CELF4: variants seen among roughly 807,000 people sequenced by gnomAD.
The protein encoded by CELF4 is CUG-BP- and ETR-3-like factor 4.
CELF4 carries 18 observed loss-of-function variants against 59.9 expected under a neutral mutation model. The observed-to-expected ratio is 0.30, with a 90% CI of 0.21 to 0.45. CELF4 has a LOEUF of 0.45. Among genes scored for constraint, CELF4 ranks in the 20% least tolerant of loss-of-function variants. CELF4 has a pLI of 1.00. For missense variants in CELF4, 456 were observed against 689.0 expected (o/e 0.66, Z 3.79); for synonymous variants, 261 against 267.1 (o/e 0.98, Z 0.22).
intron 2 of CELF4, among the ~76,000 whole-genome samples, chr18:37,431,605 G>A (rs374378812): frequency 5.3e-5 from 8 of 152,042 alleles, no homozygotes; most frequent in Non-Finnish European, 8.8e-5. Context: ...TCCTGACCTC[G>A]TGATCTGCCC....
At chr18:37,525,575 T>G (rs937783772) in intron 1 of CELF4, among the ~76,000 whole-genome samples, 3 of 135,420 alleles carry the variant, frequency 2.2e-5, no homozygotes, top group African/African-American at 8.6e-5. Flanking sequence ...GACAATCTTC[T>G]GCTTTCTAGA....
intron 2 of CELF4, among the ~76,000 whole-genome samples, chr18:37,328,439 C>T (rs1487649998): frequency 2.0e-5 from 3 of 152,160 alleles, no homozygotes; most frequent in African/African-American, 7.2e-5. Context: ...GCTGAGGGTC[C>T]TTCTGGTTCC....
chr18:37,261,915 A>ATTT (rs1299533582), intron 10 of CELF4, among the ~76,000 whole-genome samples: 2 of 152,200 alleles, frequency 1.3e-5, no homozygotes, highest in African/African-American at 4.8e-5. Flanking sequence ...GGACCATGAC[A>ATTT]TAAAGAAGCC....
chr18:37,521,902 T>C (rs2099957869), intron 1 of CELF4, among the ~76,000 whole-genome samples: 1 of 152,196 alleles, frequency 6.6e-6, no homozygotes, highest in South Asian at 2.1e-4. Context: ...CCAGCTTCCG[T>C]CTTTATTTCT....
chr18:37,539,467 ACACAAAC>A (rs2099976104), intron 1 of CELF4, among the ~76,000 whole-genome samples: 2 of 114,460 alleles, frequency 1.7e-5, no homozygotes, highest in African/African-American at 6.5e-5. Flanking sequence ...ACACACACAC[ACACAAAC>A]ACACACACAC....
chr18:37,401,041 G>A (rs2099320353), intron 2 of CELF4, among the ~76,000 whole-genome samples: 1 of 152,176 alleles, frequency 6.6e-6, no homozygotes, highest in East Asian at 1.9e-4. Flanking sequence ...AGTAGGTGTG[G>A]GGGTCCTTCC....
chr18:37,319,988 T>C (rs1312539053), intron 3 of CELF4, among the ~76,000 whole-genome samples: 2 of 152,104 alleles, frequency 1.3e-5, no homozygotes. Flanking sequence ...GGGGGAAGGG[T>C]AGGCTGGGGC....
chr18:37,314,010 G>A (rs902456322), intron 3 of CELF4, among the ~76,000 whole-genome samples: 3 of 152,234 alleles, frequency 2.0e-5, no homozygotes, highest in Non-Finnish European at 4.4e-5. Context: ...CACTTGGCCA[G>A]CAGCTGTCTC....
Position 37,253,663 on chromosome 18 carries a change from C to T in CELF4, c.*44+104G>A, listed in dbSNP as rs2067005766. On this transcript the variant is annotated intron_variant, in intron 12 of 12. Transcript: ENST00000420428. This position sits in a 1 kb window ranked among gnomAD's most constrained non-coding sequence, Gnocchi z 4.5. ...GCAGGTTGAGCCGGGCGCAGCGGGT[C>T]CAAGGCACCAGTGAGGGTCCGGCCC... 4 of 844,186 alleles carry T rather than the reference C, an allele frequency of 4.7e-6. No individual in the cohort carries two copies. Among genetic ancestry groups the T allele is most frequent in the Admixed American group, 3.3e-5 (1 of 30,188 alleles). 52.3% of individuals were successfully genotyped at this position (844,186 alleles called of 1,614,324 possible). A position where few individuals can be genotyped will look rare whatever the true frequency, so the allele number is the denominator to read the frequency against.
At chr18:37,251,038 T>C (rs2065166886) in intron 12 of CELF4, among the ~76,000 whole-genome samples, 1 of 152,120 alleles carries the variant, frequency 6.6e-6, no homozygotes, top group South Asian at 2.1e-4. Context: ...GGGCTTCTCA[T>C]TCTCCTCACT....
chr18:37,493,782 G>A (rs1482632104), intron 1 of CELF4, among the ~76,000 whole-genome samples: 1 of 152,122 alleles, frequency 6.6e-6, no homozygotes, highest in Admixed American at 6.5e-5. Flanking sequence ...CTCCCCCTTG[G>A]CCATGCATTC....
chr18:37,347,383 GGGC>G (rs1443242695), intron 2 of CELF4, among the ~76,000 whole-genome samples: 52 of 152,210 alleles, frequency 3.4e-4, no homozygotes, highest in African/African-American at 1.2e-3. Flanking sequence ...GGGGAACCCT[GGGC>G]CAATTATTCA....
chr18:37,497,454 C>T (rs1354695228), intron 1 of CELF4, among the ~76,000 whole-genome samples: 1 of 152,246 alleles, frequency 6.6e-6, no homozygotes, highest in African/African-American at 2.4e-5. Context: ...GAGTTCAAGA[C>T]CAGCCTGACC....
At chr18:37,280,549 C>T (rs1052424103) in intron 3 of CELF4, among the ~76,000 whole-genome samples, 6 of 152,140 alleles carry the variant, frequency 3.9e-5, no homozygotes, top group East Asian at 1.9e-4. Flanking sequence ...GGATGAAGGC[C>T]AGAAGAGGCT....
chr18:37,486,217 A>G (rs2099881063), intron 1 of CELF4, among the ~76,000 whole-genome samples: 1 of 152,132 alleles, frequency 6.6e-6, no homozygotes, highest in African/African-American at 2.4e-5. Context: ...CCTCCAAGTC[A>G]GAGGGCTTCT....
intron 2 of CELF4, among the ~76,000 whole-genome samples, chr18:37,366,558 TG>T (rs2098786787): frequency 6.6e-6 from 1 of 152,214 alleles, no homozygotes; most frequent in Non-Finnish European, 1.5e-5. Context: ...GGCCCTTGTC[TG>T]GTCCTCTCCC....
intron 2 of CELF4, among the ~76,000 whole-genome samples, chr18:37,469,730 G>A (rs1415129662): frequency 6.6e-6 from 1 of 152,178 alleles, no homozygotes; most frequent in Non-Finnish European, 1.5e-5. Context: ...AGTGAGGGAG[G>A]GCTCAAACAG....
chr18:37,377,995 C>A (rs1158741785), intron 2 of CELF4, among the ~76,000 whole-genome samples: 1 of 152,154 alleles, frequency 6.6e-6, no homozygotes, highest in Non-Finnish European at 1.5e-5. Context: ...CGGGGACCTT[C>A]TCCTCCTCCC....
At chr18:37,465,353 G>A (rs900796400) in intron 2 of CELF4, among the ~76,000 whole-genome samples, 55 of 152,300 alleles carry the variant, frequency 3.6e-4, no homozygotes, top group African/African-American at 1.3e-3. Flanking sequence ...CAAACAGAAT[G>A]TCACTAATGA....
Sources: allele counts gnomAD v4.1 joint callset (sites outside exome capture counted in the v4.1 genomes callset), GRCh38; gene constraint gnomAD v4.1.1; non-coding constraint Gnocchi (gnomAD v3.1); transcripts MANE v1.5; gene names NCBI Gene and HGNC (gene_info 2026-07-23, HGNC 2026-07-21).